DCDC1: variants seen among roughly 807,000 people sequenced by gnomAD.
The protein encoded by DCDC1 is doublecortin domain containing 1.
In DCDC1, 200 loss-of-function variants were observed where a neutral mutation model predicts 178.3. The ratio of observed to expected loss-of-function variants is 1.12; its 90% CI spans 1.00 to 1.26. The LOEUF (loss-of-function observed/expected upper bound fraction) is 1.26, where lower values mean the gene tolerates loss of function less well. DCDC1 is among the 50% of genes most tolerant of loss of function. DCDC1 has a pLI of 0.00. For synonymous variants in DCDC1, 690 were observed against 604.8 expected (o/e 1.14, Z -2.07); for missense variants, 1,983 against 1,749.2 (o/e 1.13, Z -2.38).
rs559661543 is a variant in DCDC1 at position 31,014,771 on chromosome 11, T to C, written c.2591+49698A>G. On this transcript the variant is annotated intron_variant, in intron 20 of 38. Transcript: ENST00000684477. ...GCACAACCATAAGGCGTCCACTCAG[T>C]GGTATTTAGTTGTATCCAAGCACTA... 3.9e-5 allele frequency among the ~76,000 whole-genome samples: 6 copies of C among 152,246 alleles called. No individual in the cohort carries two copies. In the South Asian group the frequency reaches 1.2e-3, roughly 32 times the overall value.
intron 9 of DCDC1, among the ~76,000 whole-genome samples, chr11:31,177,549 A>G (rs1369432407): frequency 6.6e-6 from 1 of 152,190 alleles, no homozygotes; most frequent in Non-Finnish European, 1.5e-5. Flanking sequence ...ATATAAATGG[A>G]TTAAATTCTC....
intron 34 of DCDC1, among the ~76,000 whole-genome samples, chr11:30,897,817 A>T (rs1590272684): frequency 6.6e-6 from 1 of 152,240 alleles, no homozygotes; most frequent in African/African-American, 2.4e-5. Context: ...AGAATGTATA[A>T]TCTAACATAG....
intron 7 of DCDC1, among the ~76,000 whole-genome samples, chr11:31,289,314 C>A (rs1947054700): frequency 6.6e-6 from 1 of 152,010 alleles, no homozygotes; most frequent in African/African-American, 2.4e-5. Context: ...GAGATACGTT[C>A]ATCTTCTCTA....
intron 13 of DCDC1, 62 bp downstream of exon 13, chr11:31,106,735 C>T (rs562187708): frequency 1.2e-4 from 91 of 734,776 alleles, no homozygotes; most frequent in Non-Finnish European, 1.9e-4. Context: ...TTCTCAAATC[C>T]GCTTTCAAAT....
intron 20 of DCDC1, among the ~76,000 whole-genome samples, chr11:31,037,933 A>G (rs1005445648): frequency 1.3e-5 from 2 of 151,980 alleles, no homozygotes; most frequent in Admixed American, 6.6e-5. Context: ...TGGTTCAGTT[A>G]ATGAATTTAA....
At chr11:31,137,372 T>A (rs1285582099) in intron 10 of DCDC1, among the ~76,000 whole-genome samples, 45 of 143,252 alleles carry the variant, frequency 3.1e-4, no homozygotes, top group African/African-American at 1.1e-3. Context: ...TTTTTTTTTT[T>A]ACGGAGTCTC....
intron 23 of DCDC1, among the ~76,000 whole-genome samples, chr11:30,924,295 A>T (rs1212644680): frequency 5.9e-5 from 9 of 152,178 alleles, no homozygotes; most frequent in African/African-American, 2.2e-4. Context: ...GTCTCTGAGA[A>T]CAACAGACTC....
chr11:30,913,767 T>G (rs1337519324), intron 27 of DCDC1, among the ~76,000 whole-genome samples: 3 of 152,230 alleles, frequency 2.0e-5, no homozygotes. Context: ...AGACAGACAC[T>G]GAGCAAGATT....
intron 20 of DCDC1, among the ~76,000 whole-genome samples, chr11:31,045,064 G>A (rs2194923): frequency 0.35 from 52,650 of 151,812 alleles, 9,498 homozygotes; most frequent in Middle Eastern, 0.39. Context: ...TTTACAAGAC[G>A]TATAGGCATA....
chr11:30,946,716 A>T (rs2134437091), intron 21 of DCDC1, among the ~76,000 whole-genome samples: 1 of 152,274 alleles, frequency 6.6e-6, no homozygotes, highest in Non-Finnish European at 1.5e-5. Flanking sequence ...AAGTTGATTG[A>T]CTCTCTGCTG....
intron 26 of DCDC1, among the ~76,000 whole-genome samples, chr11:30,916,508 A>T (rs1945846811): frequency 6.6e-6 from 1 of 152,212 alleles, no homozygotes; most frequent in Non-Finnish European, 1.5e-5. Flanking sequence ...CATTTTCTTA[A>T]TTTCTTAAAA....
At chr11:31,225,730 C>A (rs999951780) in intron 9 of DCDC1, among the ~76,000 whole-genome samples, 1 of 148,940 alleles carries the variant, frequency 6.7e-6, no homozygotes, top group Non-Finnish European at 1.5e-5. Context: ...TCTATATCTA[C>A]CTAGATACAT....
At chr11:31,253,355 G>T (rs7940787) in intron 8 of DCDC1, among the ~76,000 whole-genome samples, 39,007 of 148,660 alleles carry the variant, frequency 0.26, 5,237 homozygotes, top group African/African-American at 0.32. Context: ...GAGTTTTGGA[G>T]ATTTTTTTTT....
At chr11:31,208,333 C>T (rs1404957735) in intron 9 of DCDC1, among the ~76,000 whole-genome samples, 1 of 152,106 alleles carries the variant, frequency 6.6e-6, no homozygotes, top group Non-Finnish European at 1.5e-5. Flanking sequence ...TGCATTCTTG[C>T]CTTTCCCTCA....
At chr11:31,338,440 T>TC (rs1224574201) in intron 1 of DCDC1, among the ~76,000 whole-genome samples, 1 of 152,198 alleles carries the variant, frequency 6.6e-6, no homozygotes, top group Non-Finnish European at 1.5e-5. Flanking sequence ...GCATGTATGA[T>TC]CAAGAATAGG....
intron 9 of DCDC1, among the ~76,000 whole-genome samples, chr11:31,228,942 G>A (rs1241409678): frequency 3.9e-5 from 6 of 152,112 alleles, no homozygotes; most frequent in Middle Eastern, 6.8e-3. Context: ...TACTTATTGA[G>A]TAGTATGCTC....
intron 31 of DCDC1, chr11:30,904,032 T>C (rs1944893521): frequency 6.2e-6 from 1 of 161,726 alleles, no homozygotes; most frequent in African/African-American, 2.4e-5. Flanking sequence ...ACAACTGTTG[T>C]AATACTTCAT....
At chr11:30,869,256 G>A (rs1028852713) in intron 38 of DCDC1, among the ~76,000 whole-genome samples, 1 of 152,224 alleles carries the variant, frequency 6.6e-6, no homozygotes, top group African/African-American at 2.4e-5. Flanking sequence ...ATCAACAGGT[G>A]CAGATTTGTT....
Position 31,258,492 on chromosome 11 carries a change from G to T in DCDC1, c.1054+7015C>A, listed in dbSNP as rs1022249635. Among the ~76,000 whole-genome samples the T allele has an allele frequency of 2.6e-5, 4 of 152,132 alleles. No individual in the cohort carries two copies. In the South Asian group the frequency reaches 8.3e-4, roughly 31 times the overall value. ...AACAATGCTAACCCCAAGCCTGTCAGAAAAGGGAACTTTCTGAAAGGAAGA... is the reference window on the plus strand; with the variant it reads ...AACAATGCTAACCCCAAGCCTGTCATAAAAGGGAACTTTCTGAAAGGAAGA... On this transcript the variant is annotated intron_variant, in intron 8 of 38. Coordinates refer to ENST00000684477, the MANE Select transcript of DCDC1 (RefSeq NM_001387274.1).
Sources: gnomAD v4.1 joint callset for allele counts (sites outside exome capture counted in the v4.1 genomes callset) on GRCh38, gnomAD v4.1.1 for gene constraint, MANE v1.5 for transcripts, NCBI Gene and HGNC (gene_info 2026-07-23, HGNC 2026-07-21) for gene names.